The following MYLK variants were observed in gnomAD, a reference collection of about 807,000 sequenced individuals.
MYLK encodes the protein myosin light chain kinase, smooth muscle.
Under a neutral mutation model 203.4 loss-of-function variants are expected in MYLK, and 106 were observed. That is an observed-to-expected ratio of 0.52 (90% CI 0.45 to 0.61). The LOEUF is 0.61. Ranked by LOEUF, MYLK falls within the 20% of genes least tolerant of loss-of-function variation. MYLK has a pLI of 0.00. For synonymous variants in MYLK, 867 were observed against 959.5 expected, an observed-to-expected ratio of 0.90 and a Z score of 1.78; for missense variants, 2,072 against 2,442.3, an observed-to-expected ratio of 0.85 and a Z score of 3.20.
chr3:123,710,045 G>A lies in MYLK; in HGVS notation c.1805-152C>T, dbSNP rs2061630025. 7.9e-6 allele frequency: 8 copies of A among 1,012,724 alleles called. No homozygotes were observed. In the South Asian group the frequency reaches 1.1e-4, roughly 14 times the overall value. 62.7% of individuals were successfully genotyped at this position (1,012,724 alleles called of 1,614,324 possible). A position where few individuals can be genotyped will look rare whatever the true frequency, so the allele number is the denominator to read the frequency against. ...ATAAAGAGTGTTTGGAGTTTCTAGAGATCATTAGGAACAAGATGCCTCCCA... is the reference window on the plus strand; with the variant it reads ...ATAAAGAGTGTTTGGAGTTTCTAGAAATCATTAGGAACAAGATGCCTCCCA... On this transcript the variant is annotated intron_variant, in intron 13 of 33. Transcript: ENST00000360304.
intron 24 of MYLK, among the ~76,000 whole-genome samples, chr3:123,651,511 T>C (rs2059210443): frequency 6.6e-6 from 1 of 152,130 alleles, no homozygotes; most frequent in Non-Finnish European, 1.5e-5. Flanking sequence ...CTGCCTGATA[T>C]AGTGGTTCAC....
At chr3:123,709,619 T>A in intron 14 of MYLK, 137 bp downstream of exon 14, 1 of 1,116,994 alleles carries the variant, frequency 9.0e-7, no homozygotes, top group South Asian at 1.3e-5. Context: ...AGTCTCCATT[T>A]CTTTGGGTCC....
chr3:123,770,961 T>C (rs2063863052), intron 4 of MYLK, among the ~76,000 whole-genome samples: 1 of 152,222 alleles, frequency 6.6e-6, no homozygotes, highest in East Asian at 1.9e-4. Flanking sequence ...ACCATCTGGC[T>C]GGGATGTTGT....
Position 123,652,196 on chromosome 3 carries a change from C to T in MYLK, c.4289-3002G>A, listed in dbSNP as rs71332711. ...AGTGAGAGAGAAGTAGAGGAAAGACCACAGTTCAATTAGCAGAGCTCTTGG... is the reference window on the plus strand; with the variant it reads ...AGTGAGAGAGAAGTAGAGGAAAGACTACAGTTCAATTAGCAGAGCTCTTGG... On this transcript the variant is annotated intron_variant, in intron 24 of 33. Transcript: ENST00000360304. 1.9e-3 allele frequency among the ~76,000 whole-genome samples: 290 copies of T among 152,120 alleles called. 4 individuals are homozygous for T. Among genetic ancestry groups the T allele is most frequent in the Middle Eastern group, 0.017 (5 of 294 alleles).
At chr3:123,711,388 A>G (rs1040128518) in intron 13 of MYLK, among the ~76,000 whole-genome samples, 11 of 152,234 alleles carry the variant, frequency 7.2e-5, no homozygotes, top group African/African-American at 2.7e-4. Flanking sequence ...AACTGGGAGA[A>G]AAAATCAATT....
chr3:123,782,492 G>C (rs1402579230), intron 4 of MYLK, among the ~76,000 whole-genome samples: 1 of 152,194 alleles, frequency 6.6e-6, no homozygotes, highest in Non-Finnish European at 1.5e-5. Flanking sequence ...ACTTTACTTA[G>C]AGTTGGAAGG....
chr3:123,637,268 C>T (rs941451700), intron 29 of MYLK, among the ~76,000 whole-genome samples: 1 of 152,172 alleles, frequency 6.6e-6, no homozygotes, highest in Non-Finnish European at 1.5e-5. Flanking sequence ...CAGACCCCAC[C>T]GACAGAGTGT....
At chr3:123,617,328 G>A (rs1258902573) in intron 33 of MYLK, 1 of 152,140 alleles carries the variant, frequency 6.6e-6, no homozygotes, top group Non-Finnish European at 1.5e-5. Context: ...AACTTCAGAA[G>A]ACCCAAATGC....
chr3:123,819,088 G>A (rs1379707888), intron 3 of MYLK, among the ~76,000 whole-genome samples: 1 of 152,190 alleles, frequency 6.6e-6, no homozygotes, highest in African/African-American at 2.4e-5. Flanking sequence ...GCATGACAAG[G>A]ATGAAATAAA....
chr3:123,731,783 T>A (rs200422924), intron 11 of MYLK, among the ~76,000 whole-genome samples: 5 of 149,916 alleles, frequency 3.3e-5, no homozygotes, highest in Admixed American at 2.0e-4. Flanking sequence ...GATGAACTTA[T>A]AAAAAAAAAA....
intron 12 of MYLK, among the ~76,000 whole-genome samples, chr3:123,724,867 C>T (rs150720561): frequency 0.013 from 1,919 of 152,180 alleles, 63 homozygotes; most frequent in South Asian, 0.1. Flanking sequence ...GCCTAGCCTC[C>T]GGAGTAGCTG....
intron 4 of MYLK, among the ~76,000 whole-genome samples, chr3:123,779,472 C>T (rs1411209284): frequency 6.6e-6 from 1 of 152,180 alleles, no homozygotes; most frequent in East Asian, 1.9e-4. Context: ...CCGGGTTGAG[C>T]CAAGTTCTTC....
intron 2 of MYLK, among the ~76,000 whole-genome samples, chr3:123,846,804 C>A (rs1360026919): frequency 1.3e-5 from 2 of 151,344 alleles, no homozygotes; most frequent in African/African-American, 4.9e-5. Flanking sequence ...TTCCTTTCAA[C>A]AACTGTAATT....
At chr3:123,851,097 G>A (rs1407429902) in intron 2 of MYLK, among the ~76,000 whole-genome samples, 1 of 152,138 alleles carries the variant, frequency 6.6e-6, no homozygotes, top group Non-Finnish European at 1.5e-5. Context: ...TTGTTCCATT[G>A]GTCTATATCT....
chr3:123,732,385 T>C (rs2062512257), intron 11 of MYLK, among the ~76,000 whole-genome samples: 1 of 152,234 alleles, frequency 6.6e-6, no homozygotes, highest in Non-Finnish European at 1.5e-5. Context: ...GAAAGCAGTA[T>C]ACAAATACCA....
At chr3:123,880,072 T>A (rs2033430775) in intron 1 of MYLK, among the ~76,000 whole-genome samples, 1 of 152,238 alleles carries the variant, frequency 6.6e-6, no homozygotes, top group Non-Finnish European at 1.5e-5. Context: ...CCGGTATATA[T>A]AATAAAAGCT....
At chr3:123,701,917 G>A (rs988292311) in intron 16 of MYLK, among the ~76,000 whole-genome samples, 1 of 152,238 alleles carries the variant, frequency 6.6e-6, no homozygotes, top group Non-Finnish European at 1.5e-5. Flanking sequence ...GGCCTGCCCA[G>A]TGACCTTGAC....
At chr3:123,792,987 G>T (rs1327245977) in intron 4 of MYLK, among the ~76,000 whole-genome samples, 1 of 152,136 alleles carries the variant, frequency 6.6e-6, no homozygotes, top group Non-Finnish European at 1.5e-5. Flanking sequence ...ACAAAGGTAA[G>T]GTCCGGCATC....
At chr3:123,619,290 G>A (rs959110061) in intron 32 of MYLK, among the ~76,000 whole-genome samples, 7 of 152,196 alleles carry the variant, frequency 4.6e-5, no homozygotes, top group Non-Finnish European at 1.5e-5. Flanking sequence ...TTGGTTCAGG[G>A]AAAAGCTGTA....
Sources: allele counts gnomAD v4.1 joint callset (sites outside exome capture counted in the v4.1 genomes callset), GRCh38; gene constraint gnomAD v4.1.1; transcripts MANE v1.5; gene names NCBI Gene and HGNC (gene_info 2026-07-23, HGNC 2026-07-21).